The following CCSER1 variants were observed in gnomAD, a reference collection of about 807,000 sequenced individuals.
CCSER1 encodes coiled-coil serine rich protein 1, also known as serine-rich coiled-coil domain-containing protein 1.
In CCSER1, 41 loss-of-function variants were observed where a neutral mutation model predicts 82.0. The observed-to-expected ratio is 0.50, with a 90% confidence interval of 0.39 to 0.65. The LOEUF is 0.65. Ranked by LOEUF, CCSER1 falls within the 30% of genes least tolerant of loss-of-function variation. The pLI, the probability that CCSER1 is intolerant of heterozygous loss-of-function variation, is 0.00. For missense variants in CCSER1, 1,119 were observed against 1,064.2 expected, an observed-to-expected ratio of 1.05 and a Z score of -0.72; for synonymous variants, 414 against 383.9, an observed-to-expected ratio of 1.08 and a Z score of -0.92.
intron 9 of CCSER1, among the ~76,000 whole-genome samples, chr4:90,940,249 C>T (rs529000187): frequency 6.6e-6 from 1 of 151,902 alleles, no homozygotes; most frequent in African/African-American, 2.4e-5. Context: ...TTTTTAATAC[C>T]AGCAAAACAT....
chr4:91,487,470 T>C (rs1758283149), intron 10 of CCSER1, among the ~76,000 whole-genome samples: 1 of 152,144 alleles, frequency 6.6e-6, no homozygotes, highest in Non-Finnish European at 1.5e-5. Context: ...GTAATTTGTA[T>C]GTTATCAGAT....
intron 3 of CCSER1, among the ~76,000 whole-genome samples, chr4:90,348,195 A>AGG (rs1742755733): frequency 2.6e-5 from 4 of 152,116 alleles, no homozygotes; most frequent in Admixed American, 2.6e-4. Context: ...TGACGAAGTA[A>AGG]TTTGTACAAC....
chr4:91,186,280 T>C (rs1734527640), intron 10 of CCSER1, among the ~76,000 whole-genome samples: 1 of 152,240 alleles, frequency 6.6e-6, no homozygotes, highest in Non-Finnish European at 1.5e-5. Flanking sequence ...ACCTCTTCTG[T>C]TACTTCACTA....
intron 7 of CCSER1, among the ~76,000 whole-genome samples, chr4:90,724,819 G>A (rs1308244993): frequency 6.6e-6 from 1 of 151,598 alleles, no homozygotes; most frequent in Non-Finnish European, 1.5e-5. Context: ...TATTATGAGA[G>A]TTTTTTATTT....
intron 10 of CCSER1, among the ~76,000 whole-genome samples, chr4:91,247,700 T>C (rs925206780): frequency 6.6e-6 from 1 of 152,186 alleles, no homozygotes; most frequent in East Asian, 1.9e-4. Context: ...AAACCCTGTC[T>C]CTACTGAAAA....
chr4:90,453,177 G>A (rs1761708762), intron 4 of CCSER1, among the ~76,000 whole-genome samples: 1 of 152,156 alleles, frequency 6.6e-6, no homozygotes, highest in Non-Finnish European at 1.5e-5. Flanking sequence ...ATTCTTGAAT[G>A]CAAACAAATA....
intron 3 of CCSER1, among the ~76,000 whole-genome samples, chr4:90,382,147 TA>T (rs1164698229): frequency 6.6e-6 from 1 of 152,120 alleles, no homozygotes; most frequent in African/African-American, 2.4e-5. Context: ...TGAAAATCTT[TA>T]TATCAAATAG....
rs1201836847 is a variant in CCSER1, at chr4:91,216,571, C to T, written c.2217+130577C>T. Among the ~76,000 whole-genome samples, 4 of 152,230 alleles carry T rather than the reference C, an allele frequency of 2.6e-5. No homozygotes were observed. The East Asian group carries it at 5.8e-4, about 22-fold the overall frequency. On this transcript the variant is annotated intron_variant, in intron 10 of 10. Transcript: ENST00000509176. Reference sequence around the variant, plus strand: ...TCCTGACTTCGTGATCCACCCATCTCGGCCTCCCAAAGTGCTGGGATTACA... The same window carrying T: ...TCCTGACTTCGTGATCCACCCATCTTGGCCTCCCAAAGTGCTGGGATTACA...
chr4:91,415,379 T>C (rs1228579765), intron 10 of CCSER1, among the ~76,000 whole-genome samples: 1 of 152,172 alleles, frequency 6.6e-6, no homozygotes, highest in Non-Finnish European at 1.5e-5. Context: ...TGACTTCCTC[T>C]GTTCCTATTT....
intron 9 of CCSER1, among the ~76,000 whole-genome samples, chr4:91,030,406 A>AT (rs1270016929): frequency 6.6e-6 from 1 of 152,092 alleles, no homozygotes; most frequent in Non-Finnish European, 1.5e-5. Flanking sequence ...AAGGGATTGC[A>AT]TTTTGAGTCT....
intron 6 of CCSER1, among the ~76,000 whole-genome samples, chr4:90,713,783 T>A (rs145473965): frequency 0.011 from 1,727 of 152,140 alleles, 11 homozygotes; most frequent in Non-Finnish European, 0.019. Flanking sequence ...GGTGCCCCAA[T>A]CAGTCGTAGG....
intron 1 of CCSER1, among the ~76,000 whole-genome samples, chr4:90,177,251 G>C (rs1347668221): frequency 1.3e-5 from 2 of 152,114 alleles, no homozygotes; most frequent in Non-Finnish European, 2.9e-5. Flanking sequence ...GGAAAAAATA[G>C]TTTATAAAGG....
chr4:91,333,712 T>C (rs1747116045), intron 10 of CCSER1, among the ~76,000 whole-genome samples: 1 of 152,022 alleles, frequency 6.6e-6, no homozygotes, highest in Non-Finnish European at 1.5e-5. Context: ...AATTAAAAAA[T>C]ACAGTCTGTA....
At chr4:91,178,000 G>T (rs1733585832) in intron 10 of CCSER1, among the ~76,000 whole-genome samples, 1 of 152,096 alleles carries the variant, frequency 6.6e-6, no homozygotes, top group South Asian at 2.1e-4. Context: ...CAGAGATTCT[G>T]GTATGTTGTG....
intron 7 of CCSER1, among the ~76,000 whole-genome samples, chr4:90,740,795 G>T (rs1438461427): frequency 6.6e-6 from 1 of 152,134 alleles, no homozygotes; most frequent in Non-Finnish European, 1.5e-5. Context: ...AGTACTGATA[G>T]AAAATTTTCT....
intron 10 of CCSER1, among the ~76,000 whole-genome samples, chr4:91,584,532 A>G (rs998127112): frequency 6.6e-6 from 1 of 151,514 alleles, no homozygotes; most frequent in African/African-American, 2.4e-5. Context: ...CCTAGGGAAA[A>G]TTTAGAAACA....
In CCSER1 at chr4:90,254,876, T is replaced by C. The variant is rs111677723; in HGVS notation, c.-41-53368T>C. 2.6e-3 allele frequency among the ~76,000 whole-genome samples: 400 copies of C among 152,252 alleles called. 3 individuals carry two copies. Among genetic ancestry groups the C allele is most frequent in the African/African-American group, 9.1e-3 (378 of 41,550 alleles). On this transcript the variant is annotated intron_variant, in intron 1 of 10. Coordinates refer to ENST00000509176, the MANE Select transcript of CCSER1 (RefSeq NM_001145065.2). ...TACTTTATATAATTTTTACCTGTTA[T>C]GGTTGTTCCTCCTGTAGTGTTCTTA...
intron 10 of CCSER1, among the ~76,000 whole-genome samples, chr4:91,314,329 C>G (rs1388271944): frequency 6.6e-6 from 1 of 151,976 alleles, no homozygotes; most frequent in African/African-American, 2.4e-5. Context: ...ATATCTTCCT[C>G]ATACTTTGCA....
At chr4:91,469,581 T>C (rs1757148335) in intron 10 of CCSER1, among the ~76,000 whole-genome samples, 2 of 152,186 alleles carry the variant, frequency 1.3e-5, no homozygotes, top group Non-Finnish European at 2.9e-5. Flanking sequence ...AAGAGAATCA[T>C]ACCAGTCTAG....
Sources: allele counts gnomAD v4.1 joint callset (sites outside exome capture counted in the v4.1 genomes callset), GRCh38; gene constraint gnomAD v4.1.1; transcripts MANE v1.5; gene names NCBI Gene and HGNC (gene_info 2026-07-23, HGNC 2026-07-21).